MYLK: variants seen among roughly 807,000 people sequenced by gnomAD.
MYLK encodes myosin light chain kinase.
In MYLK, 106 loss-of-function variants were observed where a neutral mutation model predicts 203.4. The ratio of observed to expected loss-of-function variants is 0.52; its 90% CI spans 0.45 to 0.61. The LOEUF (loss-of-function observed/expected upper bound fraction) is 0.61, where lower values mean the gene tolerates loss of function less well. Among genes scored for constraint, MYLK ranks in the 20% least tolerant of loss-of-function variants. MYLK has a pLI of 0.00. For synonymous variants in MYLK, 867 were observed against 959.5 expected, an observed-to-expected ratio of 0.90 and a Z score of 1.78; for missense variants, 2,072 against 2,442.3, an observed-to-expected ratio of 0.85 and a Z score of 3.20.
At position 123,629,055 on chromosome 3, in the gene MYLK, C is replaced by G. The variant is rs897079359; in HGVS notation, c.5114+419G>C. Among the ~76,000 whole-genome samples, 1 of 152,196 alleles carries G rather than the reference C, an allele frequency of 6.6e-6. No individual in the cohort carries two copies. Among genetic ancestry groups the G allele is most frequent in the Non-Finnish European group, 1.5e-5 (1 of 68,028 alleles). ...TATGATCGGGACCCACAGAGAAGTT[C>G]TAAGATGCCCGTGTCCTCTGCTCTT... On this transcript the variant is annotated intron_variant, in intron 30 of 33. Coordinates refer to ENST00000360304, the MANE Select transcript of MYLK (RefSeq NM_053025.4). The surrounding 1 kb of genome is among the most constrained non-coding windows in gnomAD (Gnocchi z 4.4).
chr3:123,633,834 T>TGTGA (rs2058533605), intron 29 of MYLK, among the ~76,000 whole-genome samples: 1 of 152,112 alleles, frequency 6.6e-6, no homozygotes, highest in Non-Finnish European at 1.5e-5. Flanking sequence ...ACTTTCTGTG[T>TGTGA]GTGTGTGTGC....
chr3:123,870,510 T>C (rs16834830), intron 2 of MYLK, among the ~76,000 whole-genome samples: 15,396 of 152,224 alleles, frequency 0.1, 1,225 homozygotes, highest in East Asian at 0.37. Context: ...TCAGTGACAA[T>C]GCAAGCTGAG....
Position 123,747,616 on chromosome 3 carries a change from C to A in MYLK, c.373+4715G>T, listed in dbSNP as rs574926339. Among the ~76,000 whole-genome samples, 29 of 152,316 alleles carry A rather than the reference C, an allele frequency of 1.9e-4. 1 individual carries two copies. In the South Asian group the frequency reaches 5.8e-3, roughly 30 times the overall value. ...GGACCAGCAGCATGGCATCAACTGGCGGCTGGAAATGCAGACTCCCAGGCT... is the reference window on the plus strand; with the variant it reads ...GGACCAGCAGCATGGCATCAACTGGAGGCTGGAAATGCAGACTCCCAGGCT... On this transcript the variant is annotated intron_variant, in intron 5 of 33. Coordinates refer to ENST00000360304, the MANE Select transcript of MYLK (RefSeq NM_053025.4).
At chr3:123,855,675 C>T (rs759332760) in intron 2 of MYLK, among the ~76,000 whole-genome samples, 1 of 151,904 alleles carries the variant, frequency 6.6e-6, no homozygotes, top group African/African-American at 2.4e-5. Flanking sequence ...AAAATAAAAA[C>T]AAAATTAAAA....
chr3:123,719,558 C>T (rs1005987659), intron 13 of MYLK, among the ~76,000 whole-genome samples: 1 of 152,214 alleles, frequency 6.6e-6, no homozygotes, highest in Non-Finnish European at 1.5e-5. Flanking sequence ...ATACTTTGCA[C>T]ATTCATTCAC....
At chr3:123,776,999 G>T (rs558058453) in intron 4 of MYLK, among the ~76,000 whole-genome samples, 1 of 152,204 alleles carries the variant, frequency 6.6e-6, no homozygotes, top group Non-Finnish European at 1.5e-5. Context: ...AATAAAGACC[G>T]AGAGCAAAGC....
intron 2 of MYLK, among the ~76,000 whole-genome samples, chr3:123,861,477 A>G (rs756925043): frequency 1.3e-5 from 2 of 152,260 alleles, no homozygotes; most frequent in Non-Finnish European, 2.9e-5. Context: ...GAACACTCAA[A>G]TATCAGTTAT....
intron 24 of MYLK, among the ~76,000 whole-genome samples, chr3:123,649,799 A>G (rs2059147780): frequency 6.6e-6 from 1 of 152,234 alleles, no homozygotes; most frequent in Non-Finnish European, 1.5e-5. Context: ...ACATATCACC[A>G]TGGTTCAAAG....
chr3:123,882,343 G>A (rs1422657637), intron 1 of MYLK, among the ~76,000 whole-genome samples: 1 of 152,194 alleles, frequency 6.6e-6, no homozygotes, highest in African/African-American at 2.4e-5. Flanking sequence ...GAGCCTGGTA[G>A]GTCAAGGTTG....
At chr3:123,734,251 T>TGGGGG in intron 9 of MYLK, 29 bp from the exon 10 acceptor site, 14 of 448,382 alleles carry the variant, frequency 3.1e-5, no homozygotes, top group Non-Finnish European at 4.7e-5. Context: ...GGGGGTAGGG[T>TGGGGG]GGGTGAGGAG....
chr3:123,728,981 A>G (rs2062389578), intron 11 of MYLK, among the ~76,000 whole-genome samples: 1 of 152,176 alleles, frequency 6.6e-6, no homozygotes, highest in South Asian at 2.1e-4. Flanking sequence ...AGCTAACAAG[A>G]GCCTGACCAA....
At chr3:123,875,952 T>A (rs997221951) in intron 2 of MYLK, among the ~76,000 whole-genome samples, 1 of 152,192 alleles carries the variant, frequency 6.6e-6, no homozygotes, top group Non-Finnish European at 1.5e-5. Context: ...ATATTACTTA[T>A]AGAAAAGCTA....
chr3:123,722,577 G>A (rs1225233089), intron 12 of MYLK, among the ~76,000 whole-genome samples: 1 of 152,132 alleles, frequency 6.6e-6, no homozygotes, highest in Non-Finnish European at 1.5e-5. Context: ...AAATGCAGGA[G>A]GGAAAGGGAC....
chr3:123,777,477 C>T (rs79121248), intron 4 of MYLK, among the ~76,000 whole-genome samples: 1,913 of 152,328 alleles, frequency 0.013, 40 homozygotes, highest in African/African-American at 0.044. Context: ...TCAAGGTGAA[C>T]TGGTCCACCC....
chr3:123,704,003 G>A (rs1165552685), intron 16 of MYLK, among the ~76,000 whole-genome samples: 2 of 152,264 alleles, frequency 1.3e-5, no homozygotes, highest in Non-Finnish European at 2.9e-5. Context: ...CCCCATGGGG[G>A]AAGCAGGTAA....
At chr3:123,798,141 A>C (rs943511780) in intron 3 of MYLK, among the ~76,000 whole-genome samples, 2 of 152,260 alleles carry the variant, frequency 1.3e-5, no homozygotes, top group African/African-American at 4.8e-5. Context: ...TCAATCAGAA[A>C]GAGCAGTTCT....
intron 12 of MYLK, among the ~76,000 whole-genome samples, chr3:123,725,631 C>G (rs1017041829): frequency 2.0e-5 from 3 of 152,184 alleles, no homozygotes; most frequent in African/African-American, 7.2e-5. Context: ...ACTGCTCATG[C>G]CCCTATGTGT....
intron 29 of MYLK, among the ~76,000 whole-genome samples, chr3:123,633,136 A>AT (rs890549007): frequency 6.6e-5 from 10 of 151,088 alleles, no homozygotes; most frequent in African/African-American, 2.4e-4. Context: ...ATTTCTTTTT[A>AT]TTTTTTTGAG....
intron 1 of MYLK, among the ~76,000 whole-genome samples, chr3:123,883,226 A>G (rs2033654230): frequency 1.3e-5 from 2 of 152,088 alleles, no homozygotes; most frequent in South Asian, 4.2e-4. Context: ...GTCATTGCAT[A>G]TACTCTGGTC....
Sources: allele counts gnomAD v4.1 joint callset (sites outside exome capture counted in the v4.1 genomes callset), GRCh38; gene constraint gnomAD v4.1.1; non-coding constraint Gnocchi (gnomAD v3.1); transcripts MANE v1.5; gene names NCBI Gene and HGNC (gene_info 2026-07-23, HGNC 2026-07-21).